NXPE4: variants seen among roughly 807,000 people sequenced by gnomAD.
NXPE4 encodes NXPE family member 4.
A neutral mutation model predicts 33.3 loss-of-function variants in NXPE4; 42 were observed. The ratio of observed to expected loss-of-function variants is 1.26; its 90% CI spans 0.98 to 1.63. The LOEUF is 1.63. NXPE4 is among the 40% of genes most tolerant of loss of function. NXPE4 has a pLI of 0.00. For missense variants in NXPE4, 709 were observed against 647.6 expected, an observed-to-expected ratio of 1.09 and a Z score of -1.03; for synonymous variants, 253 against 234.9, an observed-to-expected ratio of 1.08 and a Z score of -0.71.
the NXPE4 span, among the ~76,000 whole-genome samples, chr11:114,664,205 G>A: frequency 6.6e-6 from 1 of 152,104 alleles, no homozygotes; most frequent in Non-Finnish European, 1.5e-5. Flanking sequence ...AGATACACAA[G>A]TACTATAATA....
chr11:114,635,632 A>G, the NXPE4 span, among the ~76,000 whole-genome samples: 1 of 151,890 alleles, frequency 6.6e-6, no homozygotes, highest in African/African-American at 2.4e-5. Flanking sequence ...ATTTTGAGAT[A>G]TGTCCCATCA....
At chr11:114,658,641 G>T in the NXPE4 span, among the ~76,000 whole-genome samples, 1 of 152,132 alleles carries the variant, frequency 6.6e-6, no homozygotes, top group African/African-American at 2.4e-5. Context: ...CCCTGTGGTT[G>T]GGAAAATGGA....
the NXPE4 span, among the ~76,000 whole-genome samples, chr11:114,618,959 T>C: frequency 6.6e-6 from 1 of 152,052 alleles, no homozygotes; most frequent in Non-Finnish European, 1.5e-5. Flanking sequence ...TAGTACCGCA[T>C]GGGTAAACAC....
At chr11:114,633,203 C>T in the NXPE4 span, among the ~76,000 whole-genome samples, 86,464 of 127,944 alleles carry the variant, frequency 0.68, 29,424 homozygotes, top group African/African-American at 0.75. Flanking sequence ...TATGTATAAA[C>T]ATGTATATTA....
At chr11:114,601,010 C>T in the NXPE4 span, among the ~76,000 whole-genome samples, 5 of 152,050 alleles carry the variant, frequency 3.3e-5, no homozygotes, top group African/African-American at 9.6e-5. Flanking sequence ...CAGGTTGATG[C>T]TGCCACTTGA....
intron 5 of NXPE4, among the ~76,000 whole-genome samples, chr11:114,579,270 C>G (rs562418638): frequency 6.6e-6 from 1 of 152,256 alleles, no homozygotes; most frequent in East Asian, 1.9e-4. Flanking sequence ...GGGGAGGGCA[C>G]CAAGCCAGTC....
At chr11:114,596,286 T>C (rs983786272), upstream of NXPE4, among the ~76,000 whole-genome samples, 1 of 152,158 alleles carries the variant, frequency 6.6e-6, no homozygotes, top group African/African-American at 2.4e-5. Flanking sequence ...TTTGAATCCA[T>C]CTGGGATTTG....
the NXPE4 span, among the ~76,000 whole-genome samples, chr11:114,641,258 T>C: frequency 6.6e-6 from 1 of 151,820 alleles, no homozygotes; most frequent in Non-Finnish European, 1.5e-5. Flanking sequence ...AAAGAAATAA[T>C]AATATCACTA....
the NXPE4 span, among the ~76,000 whole-genome samples, chr11:114,669,009 T>C: frequency 2.0e-5 from 3 of 152,186 alleles, no homozygotes; most frequent in Admixed American, 1.3e-4. Context: ...GTGGTAGCCA[T>C]GAGGAATGGT....
rs1339262421 is a variant in NXPE4 at position 114,582,505 on chromosome 11, T to C, written c.613A>G (p.Thr205Ala). The C allele has an allele frequency of 6.2e-7, 1 of 1,614,084 alleles. No individual in the cohort carries two copies. Among genetic ancestry groups the C allele is most frequent in the Admixed American group, 1.7e-5 (1 of 60,012 alleles). Residue 205 changes from threonine (T) to alanine (A), a missense_variant, in exon 3 of 6, where the codon ACT (threonine) becomes GCT (alanine). Physicochemically the swap from Thr to Ala is moderately conservative, Grantham distance 58 (BLOSUM62 0). Transcript: ENST00000375478. ...GAAGTGCCATTGACAAACTGGCCAG[T>C]GAAGATCACCCTGTCATAGCCTTGG... ...RNQGYDRVIF[T>A]GQFVNGTSQV...
the NXPE4 span, among the ~76,000 whole-genome samples, chr11:114,620,119 C>T: frequency 4.1e-5 from 6 of 146,374 alleles, no homozygotes; most frequent in South Asian, 2.2e-4. Context: ...GTGGATAATA[C>T]GTATTTCCTC....
At chr11:114,630,393 G>C in the NXPE4 span, among the ~76,000 whole-genome samples, 1 of 151,748 alleles carries the variant, frequency 6.6e-6, no homozygotes, top group African/African-American at 2.4e-5. Context: ...TCTGATCTTT[G>C]AGAAACCTGA....
At chr11:114,602,124 A>C in the NXPE4 span, among the ~76,000 whole-genome samples, 1 of 101,820 alleles carries the variant, frequency 9.8e-6, no homozygotes, top group Non-Finnish European at 1.7e-5. Context: ...AATTATATAT[A>C]TTATACATAA....
At chr11:114,589,853 A>G (rs1391545608) in intron 2 of NXPE4, among the ~76,000 whole-genome samples, 2 of 152,198 alleles carry the variant, frequency 1.3e-5, no homozygotes, top group African/African-American at 4.8e-5. Context: ...TTAGGAGCAC[A>G]AAAACCCAAT....
the NXPE4 span, among the ~76,000 whole-genome samples, chr11:114,635,722 T>C: frequency 2.6e-5 from 4 of 152,184 alleles, no homozygotes; most frequent in Admixed American, 1.3e-4. Context: ...ATTGAGATAA[T>C]CATGTGGTTT....
At chr11:114,577,648 A>C (rs1949042305) in intron 5 of NXPE4, among the ~76,000 whole-genome samples, 1 of 152,196 alleles carries the variant, frequency 6.6e-6, no homozygotes, top group Non-Finnish European at 1.5e-5. Flanking sequence ...TGGGGATGGA[A>C]AGGTAGTGAG....
chr11:114,654,712 A>T, the NXPE4 span, among the ~76,000 whole-genome samples: 1 of 152,042 alleles, frequency 6.6e-6, no homozygotes. Context: ...TCTTTATCCA[A>T]TCTATCACTG....
chr11:114,658,005 TTA>T, the NXPE4 span, among the ~76,000 whole-genome samples: 1 of 152,236 alleles, frequency 6.6e-6, no homozygotes, highest in Non-Finnish European at 1.5e-5. Flanking sequence ...TAAGTTAGAA[TTA>T]TATTTCCTGG....
the NXPE4 span, among the ~76,000 whole-genome samples, chr11:114,622,665 G>C: frequency 6.6e-6 from 1 of 151,436 alleles, no homozygotes; most frequent in African/African-American, 2.4e-5. Flanking sequence ...AGTGTTACCC[G>C]GTGGATAATA....
Sources: allele counts gnomAD v4.1 joint callset (sites outside exome capture counted in the v4.1 genomes callset), GRCh38; gene constraint gnomAD v4.1.1; transcripts MANE v1.5; gene names NCBI Gene and HGNC (gene_info 2026-07-23, HGNC 2026-07-21).